Variants in NOS1 observed in about 807,000 individuals in gnomAD.
NOS1 encodes the protein nitric oxide synthase 1, also known as NOS type I.
In NOS1, 51 loss-of-function variants were observed where a neutral mutation model predicts 164.5. The observed-to-expected ratio is 0.31, with a 90% CI of 0.25 to 0.39. NOS1 has a LOEUF of 0.39. Ranked by LOEUF, NOS1 falls within the 10% of genes least tolerant of loss-of-function variation. NOS1 has a pLI of 1.00. For missense variants in NOS1, 1,362 were observed against 1,885.6 expected (o/e 0.72, Z 5.14); for synonymous variants, 719 against 745.8 (o/e 0.96, Z 0.59).
chr12:117,268,512 G>A (rs41452648), intron 10 of NOS1, among the ~76,000 whole-genome samples: 2,026 of 151,960 alleles, frequency 0.013, 24 homozygotes, highest in South Asian at 0.043. Flanking sequence ...GATTACAGGC[G>A]TGAGGCACCT....
chr12:117,213,785 C>T lies in NOS1; in HGVS notation c.*1524G>A. ...GGGGACCCTGCAGTCTGGGAGGCCACTAGGATTTCTTGTCTCTTTCTGGGA... is the reference window on the plus strand; with the variant it reads ...GGGGACCCTGCAGTCTGGGAGGCCATTAGGATTTCTTGTCTCTTTCTGGGA... On this transcript the variant is annotated 3_prime_UTR_variant, in exon 29 of 29. Coordinates refer to ENST00000317775, the MANE Select transcript of NOS1 (RefSeq NM_000620.5). The T allele has an allele frequency of 1.0e-6, 1 of 985,364 alleles. No individual in the cohort carries two copies. The highest frequency in any genetic ancestry group is 1.2e-6 in the Non-Finnish European group (1 of 829,916). 61.0% of individuals were successfully genotyped at this position (985,364 alleles called of 1,614,324 possible).
intron 1 of NOS1, among the ~76,000 whole-genome samples, chr12:117,332,627 G>A (rs1423445305): frequency 6.6e-6 from 1 of 152,082 alleles, no homozygotes; most frequent in Non-Finnish European, 1.5e-5. Flanking sequence ...CACTTTGGGA[G>A]GCCAAGGCGG....
At chr12:117,305,341 G>GT (rs1363824385) in intron 3 of NOS1, among the ~76,000 whole-genome samples, 3 of 152,098 alleles carry the variant, frequency 2.0e-5, no homozygotes, top group Admixed American at 2.0e-4. Context: ...GTGGGCGCCT[G>GT]TAGTCCCAGC....
At chr12:117,230,253 G>T (rs1013366424) in intron 22 of NOS1, among the ~76,000 whole-genome samples, 24 of 152,114 alleles carry the variant, frequency 1.6e-4, no homozygotes, top group African/African-American at 5.8e-4. Flanking sequence ...ATCTAATAAG[G>T]TACCAACAGT....
chr12:117,264,384 T>C (rs997531971), intron 12 of NOS1, among the ~76,000 whole-genome samples: 10 of 152,126 alleles, frequency 6.6e-5, no homozygotes, highest in Middle Eastern at 3.2e-3. Context: ...GGGATCCTCC[T>C]AACTCAGCCT....
intron 1 of NOS1, among the ~76,000 whole-genome samples, chr12:117,359,874 T>TA (rs1877034474): frequency 2.3e-5 from 1 of 44,184 alleles, no homozygotes; most frequent in African/African-American, 8.3e-5. Flanking sequence ...ACAATAATGG[T>TA]TTTATATATA....
rs543746845 is a variant in NOS1 at position 117,280,936 on chromosome 12, C to T, written c.1383-70G>A. Reference sequence around the variant, plus strand: ...CGCTGTGGGAACATACTAAACATGGCGCCACCCAGGGCGACAGCTGCTTGA... The same window carrying T: ...CGCTGTGGGAACATACTAAACATGGTGCCACCCAGGGCGACAGCTGCTTGA... On this transcript the variant is annotated intron_variant, in intron 7 of 28. Coordinates refer to ENST00000317775, the MANE Select transcript of NOS1 (RefSeq NM_000620.5). 19 of 1,550,036 alleles carry T rather than the reference C, an allele frequency of 1.2e-5. No individual in the cohort carries two copies. In the African/African-American group the frequency reaches 1.8e-4, roughly 14 times the overall value.
intron 3 of NOS1, among the ~76,000 whole-genome samples, chr12:117,291,529 C>CTGTT (rs1873057996): frequency 1.0e-5 from 1 of 97,376 alleles, no homozygotes; most frequent in African/African-American, 4.0e-5. Context: ...TTACATCTGT[C>CTGTT]TTTTTTTTTT....
intron 9 of NOS1, among the ~76,000 whole-genome samples, chr12:117,274,886 TAAC>T (rs1873058425): frequency 1.3e-5 from 2 of 151,966 alleles, no homozygotes; most frequent in South Asian, 4.2e-4. Flanking sequence ...CCTAGGTGTC[TAAC>T]AACGGATGAA....
intron 3 of NOS1, among the ~76,000 whole-genome samples, chr12:117,298,700 G>T (rs1384655601): frequency 6.6e-6 from 1 of 152,094 alleles, no homozygotes; most frequent in East Asian, 1.9e-4. Context: ...ACATGAAGAC[G>T]GCCACCTACA....
intron 1 of NOS1, among the ~76,000 whole-genome samples, chr12:117,337,418 G>A (rs1593033883): frequency 6.6e-6 from 1 of 151,886 alleles, no homozygotes; most frequent in South Asian, 2.1e-4. Flanking sequence ...GCCCGGCCGC[G>A]CTTTTTACTC....
chr12:117,325,620 C>T (rs763883132), intron 2 of NOS1, among the ~76,000 whole-genome samples: 9 of 152,194 alleles, frequency 5.9e-5, no homozygotes, highest in Non-Finnish European at 1.2e-4. Context: ...TGTATAAACA[C>T]GGCTTTAAAA....
In NOS1 at chr12:117,330,468, T is replaced by A; in HGVS notation, c.602A>T (p.Glu201Val). ...TATCTCCTTGAGCAGTTCATTGTTC[T>A]CCCCTCTGCCTTGGAGGCTGACTCT... ...ATRVSLQGRG[E>V]NNELLKEIEP... Residue 201 changes from glutamate to valine, a missense_variant, in exon 2 of 29, where the codon GAG becomes GTG. Physicochemically the swap from Glu to Val is moderately radical, Grantham distance 121. Transcript: ENST00000317775. The surrounding 1 kb of genome is among the most constrained non-coding windows in gnomAD (Gnocchi z 4.6). The A allele has an allele frequency of 6.2e-7, 1 of 1,614,200 alleles. No individual in the cohort carries two copies. Among genetic ancestry groups the A allele is most frequent in the East Asian group, 2.2e-5 (1 of 44,876 alleles).
At chr12:117,318,529 C>T (rs1422440911) in intron 2 of NOS1, among the ~76,000 whole-genome samples, 2 of 152,196 alleles carry the variant, frequency 1.3e-5, no homozygotes, top group African/African-American at 4.8e-5. Context: ...AAAAGTTGCT[C>T]TTGCATCTCT....
chr12:117,357,271 T>C (rs1026459861), intron 1 of NOS1, among the ~76,000 whole-genome samples: 1 of 152,068 alleles, frequency 6.6e-6, no homozygotes, highest in East Asian at 1.9e-4. Flanking sequence ...CCCTTCCCTC[T>C]GAAAGGGAGA....
intron 20 of NOS1, among the ~76,000 whole-genome samples, chr12:117,239,891 C>G (rs531501330): frequency 6.6e-6 from 1 of 151,528 alleles, no homozygotes; most frequent in Non-Finnish European, 1.5e-5. Context: ...CACTCCAGTT[C>G]TAACCTTGTT....
At chr12:117,324,051 A>C (rs1875118879) in intron 2 of NOS1, among the ~76,000 whole-genome samples, 1 of 151,996 alleles carries the variant, frequency 6.6e-6, no homozygotes, top group Non-Finnish European at 1.5e-5. Flanking sequence ...GTGGGAGTAC[A>C]GGCATGAGCC....
chr12:117,266,336 C>T (rs1248078120), intron 11 of NOS1, among the ~76,000 whole-genome samples: 1 of 152,162 alleles, frequency 6.6e-6, no homozygotes, highest in Non-Finnish European at 1.5e-5. Flanking sequence ...TTAGCTCCCA[C>T]TAATGAGTGA....
intron 3 of NOS1, among the ~76,000 whole-genome samples, chr12:117,290,873 A>T (rs567914552): frequency 6.6e-6 from 1 of 152,266 alleles, no homozygotes; most frequent in South Asian, 2.1e-4. Context: ...TGACAGTCCA[A>T]ACTCACCATT....
Sources: gnomAD v4.1 joint callset for allele counts (sites outside exome capture counted in the v4.1 genomes callset) on GRCh38, gnomAD v4.1.1 for gene constraint, Gnocchi (gnomAD v3.1) non-coding constraint, MANE v1.5 for transcripts, NCBI Gene and HGNC (gene_info 2026-07-23, HGNC 2026-07-21) for gene names.